TOP2B: variants seen among roughly 807,000 people sequenced by gnomAD.
TOP2B encodes DNA topoisomerase II beta.
In TOP2B, 51 loss-of-function variants were observed where a neutral mutation model predicts 193.5. The observed-to-expected ratio is 0.26, with a 90% CI of 0.21 to 0.33. The LOEUF (loss-of-function observed/expected upper bound fraction) is 0.33. Ranked by LOEUF, TOP2B falls within the 10% of genes least tolerant of loss-of-function variation. The pLI, the probability that TOP2B is intolerant of heterozygous loss-of-function variation, is 1.00. For synonymous variants in TOP2B, 634 were observed against 635.7 expected, an observed-to-expected ratio of 1.00 and a Z score of 0.04; for missense variants, 1,378 against 1,909.3, an observed-to-expected ratio of 0.72 and a Z score of 5.19.
At position 25,612,431 on chromosome 3, in the gene TOP2B, T is replaced by A. The variant is rs373690304; in HGVS notation, c.3786+84A>T. 1.2e-4 allele frequency: 120 copies of A among 1,018,428 alleles called. 1 individual carries two copies. The highest frequency in any genetic ancestry group is 6.8e-4 in the South Asian group (33 of 48,194). 63.1% of individuals were successfully genotyped at this position (1,018,428 alleles called of 1,614,324 possible). On this transcript the variant is annotated intron_variant, in intron 28 of 35. Transcript: ENST00000264331. ...ATATTTTGAATAAAACAAAGCATGA[T>A]TTAAACACGCATTAAAATTTTTTAA...
chr3:25,648,716 G>A (rs1370578298), intron 1 of TOP2B, among the ~76,000 whole-genome samples: 4 of 152,032 alleles, frequency 2.6e-5, no homozygotes, highest in Non-Finnish European at 4.4e-5. Flanking sequence ...AAAAAAATTA[G>A]CCAGGTGTGG....
chr3:25,612,458 T>A (rs1287677982), intron 28 of TOP2B, 57 bp downstream of exon 28: 2 of 1,351,134 alleles, frequency 1.5e-6, no homozygotes, highest in African/African-American at 2.9e-5. Flanking sequence ...ATTTTTTAAA[T>A]TATACATATA....
At chr3:25,614,571 C>T (rs1702457537) in intron 27 of TOP2B, among the ~76,000 whole-genome samples, 1 of 151,504 alleles carries the variant, frequency 6.6e-6, no homozygotes, top group African/African-American at 2.4e-5. Flanking sequence ...CTGACTTAGA[C>T]CACTGAAGTA....
rs933447704 is a variant in TOP2B, at chr3:25,630,295, T to C, written c.1563+17A>G. ...GTGCATGTGTGTATACACATATATA[T>C]ACACACACATACATACCTGTTTATG... On this transcript the variant is annotated intron_variant, in intron 12 of 35. Transcript: ENST00000264331. 2.6e-6 allele frequency: 4 copies of C among 1,548,886 alleles called. No individual in the cohort carries two copies. The highest frequency in any genetic ancestry group is 2.7e-5 in the African/African-American group (2 of 73,032).
chr3:25,607,564 T>C (rs1702265725), intron 30 of TOP2B, among the ~76,000 whole-genome samples, 189 bp from the exon 31 acceptor site: 1 of 152,204 alleles, frequency 6.6e-6, no homozygotes, highest in Admixed American at 6.5e-5. Flanking sequence ...TTAATGTCTG[T>C]CTTACACTTT....
chr3:25,636,291 T>C, intron 6 of TOP2B, 143 bp from the exon 7 acceptor site: 3 of 617,098 alleles, frequency 4.9e-6, no homozygotes, highest in Non-Finnish European at 8.0e-6. Context: ...CTTGATAATA[T>C]TACAGACAAA....
rs779217663 is a variant in TOP2B, at chr3:25,627,144, G to C, written c.2016+43C>G. On this transcript the variant is annotated intron_variant, in intron 16 of 35. Transcript: ENST00000264331. The stretch of plus-strand genomic sequence containing the variant: ...ACTGGGAGGAAAGGAATAGAAGGTA[G>C]GGGGATGGCTAACAAAAGCTTTTAA... 5.9e-6 allele frequency: 8 copies of C among 1,360,890 alleles called. No homozygotes were observed. In the African/African-American group the frequency reaches 1.2e-4, roughly 20 times the overall value. The allele number at this position is 1,360,890 out of a possible 1,614,324, so 84.3% of individuals were successfully genotyped here.
chr3:25,647,391 G>A (rs1225400284), intron 1 of TOP2B, among the ~76,000 whole-genome samples: 4 of 152,078 alleles, frequency 2.6e-5, no homozygotes, highest in Non-Finnish European at 5.9e-5. Flanking sequence ...TCGAAAGTAG[G>A]TAACATTTTA....
At position 25,604,879 on chromosome 3, in the gene TOP2B, T is replaced by G. The variant is rs763705195; in HGVS notation, c.4379-9A>C. 26 of 1,596,958 alleles carry G rather than the reference T, an allele frequency of 1.6e-5. No individual in the cohort carries two copies. The South Asian group carries it at 2.7e-4, about 16-fold the overall frequency. On this transcript the variant is annotated splice_polypyrimidine_tract_variant and intron_variant, in intron 32 of 35. Transcript: ENST00000264331. ...GTCAAATTTAGCTGAATCTAAAAAT[T>G]GCAAAGCCTTCTTTTAGTAAAGAGA...
intron 33 of TOP2B, 120 bp downstream of exon 33, chr3:25,604,640 A>G: frequency 5.0e-6 from 4 of 800,082 alleles, no homozygotes; most frequent in East Asian, 2.8e-5. Flanking sequence ...CCTTATAAGC[A>G]CTTATACTTC....
intron 27 of TOP2B, among the ~76,000 whole-genome samples, chr3:25,613,529 T>G (rs1479811495): frequency 6.6e-6 from 1 of 152,006 alleles, no homozygotes; most frequent in Non-Finnish European, 1.5e-5. Flanking sequence ...CCCAGGAGTT[T>G]GACACCAGCC....
chr3:25,607,787 T>C (rs921018318), intron 30 of TOP2B, among the ~76,000 whole-genome samples: 2 of 152,306 alleles, frequency 1.3e-5, no homozygotes, highest in East Asian at 3.9e-4. Flanking sequence ...TGCTAAACTT[T>C]CTTGTTTTTT....
At chr3:25,625,850 T>C (rs1412641597) in intron 18 of TOP2B, among the ~76,000 whole-genome samples, 1 of 152,220 alleles carries the variant, frequency 6.6e-6, no homozygotes, top group African/African-American at 2.4e-5. Flanking sequence ...AATCTAATTC[T>C]AGAGGCAAAA....
chr3:25,619,388 CT>C (rs1702598618), intron 23 of TOP2B, among the ~76,000 whole-genome samples: 1 of 151,908 alleles, frequency 6.6e-6, no homozygotes, highest in Non-Finnish European at 1.5e-5. Flanking sequence ...TACTGCTGAA[CT>C]TTTTTTACTT....
At position 25,624,554 on chromosome 3, in the gene TOP2B, C is replaced by G. The variant is rs1440999178; in HGVS notation, c.2347-109G>C. On this transcript the variant is annotated intron_variant, in intron 19 of 35. Coordinates refer to ENST00000264331, the MANE Select transcript of TOP2B (RefSeq NM_001330700.2). ...GAAGAATAAAGGCTTTAGAATCTCA[C>G]TAATCTGTATATTCTCTTAATTCTT... 3.9e-6 allele frequency: 6 copies of G among 1,530,500 alleles called. No individual in the cohort carries two copies. In the East Asian group the frequency reaches 1.4e-4, roughly 35 times the overall value. 94.8% of individuals were successfully genotyped at this position (1,530,500 alleles called of 1,614,324 possible).
intron 22 of TOP2B, 70 bp downstream of exon 22, chr3:25,620,612 A>C (rs2125365196): frequency 6.6e-7 from 1 of 1,507,296 alleles, no homozygotes; most frequent in Non-Finnish European, 8.9e-7. Flanking sequence ...CAACGGTGGA[A>C]TCATCCTTAC....
At chr3:25,642,622 T>C (rs1458654907) in intron 3 of TOP2B, among the ~76,000 whole-genome samples, 1 of 152,164 alleles carries the variant, frequency 6.6e-6, no homozygotes, top group Non-Finnish European at 1.5e-5. Context: ...GGAAATGTTT[T>C]AGTGATACAT....
At position 25,604,762 on chromosome 3, in the gene TOP2B, T is replaced by C. The variant is rs780325291; in HGVS notation, c.4487A>G (p.Lys1496Arg). Residue 1496 changes from lysine (K) to arginine (R), a missense_variant and splice_region_variant, in exon 33 of 36, where the codon AAG becomes AGG. By Grantham distance (26) the Lys-to-Arg change is conservative. This residue lies in a region of TOP2B where 556 missense variants were observed against 584.2 expected (regional missense o/e 0.95). Transcript: ENST00000264331. ...CTCAATCAAATATAAGTACATACCC[T>C]TTTTAGCAGCTACCGTTTTACTTGG... ...KVPSKTVAAK[K>R]GKPSSDTVPK... 2 of 1,608,326 alleles carry C rather than the reference T, an allele frequency of 1.2e-6. No individual in the cohort carries two copies. Among genetic ancestry groups the C allele is most frequent in the Admixed American group, 1.7e-5 (1 of 59,896 alleles).
At chr3:25,649,177 C>A (rs1182011203) in intron 1 of TOP2B, among the ~76,000 whole-genome samples, 1 of 151,852 alleles carries the variant, frequency 6.6e-6, no homozygotes, top group Non-Finnish European at 1.5e-5. Flanking sequence ...ACAGGACTTT[C>A]AAAATTGCCA....
Sources: allele counts gnomAD v4.1 joint callset (sites outside exome capture counted in the v4.1 genomes callset), GRCh38; gene constraint gnomAD v4.1.1; regional missense constraint gnomAD v4.1.1; transcripts MANE v1.5; gene names NCBI Gene and HGNC (gene_info 2026-07-23, HGNC 2026-07-21).